Variants in LIPC observed in about 807,000 individuals in gnomAD.
LIPC encodes lipase C, hepatic type.
A neutral mutation model predicts 50.7 loss-of-function variants in LIPC; 44 were observed. The ratio of observed to expected loss-of-function variants is 0.87; its 90% CI spans 0.68 to 1.11. The LOEUF is 1.11. LIPC is among the 50% of genes most tolerant of loss of function. The pLI is 0.00. For synonymous variants in LIPC, 271 were observed against 256.4 expected, an observed-to-expected ratio of 1.06 and a Z score of -0.54; for missense variants, 697 against 648.2, an observed-to-expected ratio of 1.08 and a Z score of -0.82.
At chr15:58,545,002 G>A (rs897964107) in intron 4 of LIPC, among the ~76,000 whole-genome samples, 19 of 152,256 alleles carry the variant, frequency 1.2e-4, no homozygotes, top group East Asian at 1.9e-4. Context: ...GAAATGTCCC[G>A]CGGCTGTTCT....
chr15:58,477,147 T>C lies in LIPC; in HGVS notation c.88+45027T>C, dbSNP rs545679127. Among the ~76,000 whole-genome samples, 33 of 152,356 alleles carry C rather than the reference T, an allele frequency of 2.2e-4. No homozygotes were observed. In the South Asian group the frequency reaches 6.4e-3, roughly 30 times the overall value. ...GTCCACAGGCATCAGAGGATGAAGC[T>C]AGCAGGTTGTCTGTATGTAGACTTT... is the stretch of plus-strand genomic sequence containing the variant. On this transcript the variant is annotated intron_variant, in intron 1 of 8. Coordinates refer to ENST00000299022, the MANE Select transcript of LIPC (RefSeq NM_000236.3).
intron 1 of LIPC, among the ~76,000 whole-genome samples, chr15:58,444,848 G>C (rs1403991652): frequency 1.6e-4 from 24 of 152,332 alleles, no homozygotes; most frequent in African/African-American, 5.8e-4. Context: ...GCCCTGCTGT[G>C]ACCCGGGTCC....
chr15:58,435,086 A>G (rs1367953669), intron 1 of LIPC: 3 of 152,380 alleles, frequency 2.0e-5, no homozygotes, highest in South Asian at 4.1e-4. Flanking sequence ...AATCTTTAAA[A>G]TCTGCTAACA....
chr15:58,561,950 G>T (rs1367394952), intron 7 of LIPC, among the ~76,000 whole-genome samples: 1 of 152,144 alleles, frequency 6.6e-6, no homozygotes, highest in Non-Finnish European at 1.5e-5. Flanking sequence ...TGGTTGGAGG[G>T]CTTAGAATTT....
At chr15:58,499,923 A>G (rs2140834443) in intron 1 of LIPC, among the ~76,000 whole-genome samples, 1 of 152,308 alleles carries the variant, frequency 6.6e-6, no homozygotes, top group South Asian at 2.1e-4. Context: ...ATCACGAATC[A>G]GGGAGGTCTG....
At chr15:58,465,693 C>T (rs191168085) in intron 1 of LIPC, among the ~76,000 whole-genome samples, 1 of 152,106 alleles carries the variant, frequency 6.6e-6, no homozygotes, top group Non-Finnish European at 1.5e-5. Flanking sequence ...TCAGCTGGGG[C>T]AGGAAGGCTC....
At chr15:58,499,276 G>T (rs969485545) in intron 1 of LIPC, among the ~76,000 whole-genome samples, 2 of 152,142 alleles carry the variant, frequency 1.3e-5, no homozygotes, top group Non-Finnish European at 2.9e-5. Flanking sequence ...AGATTCTTTG[G>T]GGGTAGAGCC....
chr15:58,517,534 A>G (rs1892521608), intron 1 of LIPC, among the ~76,000 whole-genome samples: 1 of 152,222 alleles, frequency 6.6e-6, no homozygotes, highest in Admixed American at 6.5e-5. Flanking sequence ...CACAAGTTTC[A>G]GTGTGGAGAG....
chr15:58,486,147 C>T (rs533726136), intron 1 of LIPC, among the ~76,000 whole-genome samples: 13 of 152,206 alleles, frequency 8.5e-5, no homozygotes, highest in African/African-American at 2.4e-4. Flanking sequence ...CGGCTCTATT[C>T]TAACAGTGCC....
rs567907932 is a variant in LIPC, at chr15:58,477,900, G to A, written c.88+45780G>A. Among the ~76,000 whole-genome samples, 12 of 152,114 alleles carry A rather than the reference G, an allele frequency of 7.9e-5. No homozygotes were observed. The East Asian group carries it at 1.2e-3, about 15-fold the overall frequency. Reference sequence around the variant, plus strand: ...GAAAATTTGAGCCACATGGCAGTCCGCAGGTGCCCACAAGTCCCTCTATGA... The same window carrying A: ...GAAAATTTGAGCCACATGGCAGTCCACAGGTGCCCACAAGTCCCTCTATGA... On this transcript the variant is annotated intron_variant, in intron 1 of 8. Transcript: ENST00000299022.
At position 58,542,526 on chromosome 15, in the gene LIPC, T is replaced by C; in HGVS notation, c.457-8T>C. On this transcript the variant is annotated splice_polypyrimidine_tract_variant and splice_region_variant and intron_variant, in intron 3 of 8. Transcript: ENST00000299022. ...TTCTCCTGCCCCCATCCCGCTGCTG[T>C]CTTCCAGGAATCTGTGCAACTCTCT... 1.3e-6 allele frequency: 2 copies of C among 1,584,758 alleles called. No individual in the cohort carries two copies. Among genetic ancestry groups the C allele is most frequent in the Non-Finnish European group, 1.7e-6 (2 of 1,153,252 alleles).
intron 1 of LIPC, among the ~76,000 whole-genome samples, chr15:58,444,584 T>A (rs1893623958): frequency 1.3e-5 from 2 of 152,214 alleles, no homozygotes; most frequent in Non-Finnish European, 2.9e-5. Flanking sequence ...TCTCTCCTTG[T>A]CTTCTGATGG....
chr15:58,562,439 T>G (rs1378634860), intron 7 of LIPC, among the ~76,000 whole-genome samples: 1 of 152,142 alleles, frequency 6.6e-6, no homozygotes, highest in African/African-American at 2.4e-5. Flanking sequence ...ATTTCCAATT[T>G]CAATCAGCCT....
chr15:58,484,522 T>C (rs1297111959), intron 1 of LIPC, among the ~76,000 whole-genome samples: 2 of 152,240 alleles, frequency 1.3e-5, no homozygotes, highest in African/African-American at 2.4e-5. Context: ...GCTTTACCAA[T>C]ATTAATTCAT....
At chr15:58,481,922 G>A (rs1235732468) in intron 1 of LIPC, among the ~76,000 whole-genome samples, 3 of 152,206 alleles carry the variant, frequency 2.0e-5, no homozygotes, top group African/African-American at 7.2e-5. Context: ...TAAAAAGGGA[G>A]ATGTACACAT....
chr15:58,565,790 AAACCC>A, intron 8 of LIPC: 1 of 986,130 alleles, frequency 1.0e-6, no homozygotes, highest in South Asian at 4.7e-5. Context: ...TGTATGCATC[AAACCC>A]ATCCTTAGGG....
chr15:58,542,082 C>A, intron 3 of LIPC, 115 bp downstream of exon 3: 1 of 1,207,392 alleles, frequency 8.3e-7, no homozygotes, highest in South Asian at 1.3e-5. Context: ...CACTAATGCT[C>A]AGCTCACAGG....
At position 58,562,853 on chromosome 15, in the gene LIPC, T is replaced by C. The variant is rs1295894834; in HGVS notation, c.1170-652T>C. 2.8e-5 allele frequency among the ~76,000 whole-genome samples: 4 copies of C among 144,640 alleles called. No individual in the cohort carries two copies. The East Asian group carries it at 9.4e-4, about 34-fold the overall frequency. 94.9% of individuals were successfully genotyped at this position (144,640 alleles called of 152,430 possible). A position where few individuals can be genotyped will look rare whatever the true frequency, so the allele number is the denominator to read the frequency against. ...ATCTGCCTCGCCCTAAATCCACTGC[T>C]GCCTCTGCACTGCCAAAAATCTCTC... On this transcript the variant is annotated intron_variant, in intron 7 of 8. Coordinates refer to ENST00000299022, the MANE Select transcript of LIPC (RefSeq NM_000236.3).
intron 1 of LIPC, among the ~76,000 whole-genome samples, chr15:58,490,738 G>A (rs1054226984): frequency 3.3e-5 from 5 of 152,184 alleles, no homozygotes; most frequent in African/African-American, 1.2e-4. Context: ...TGGGTGGAGC[G>A]CCTGATTTGT....
Sources: allele counts gnomAD v4.1 joint callset (sites outside exome capture counted in the v4.1 genomes callset), GRCh38; gene constraint gnomAD v4.1.1; transcripts MANE v1.5; gene names NCBI Gene and HGNC (gene_info 2026-07-23, HGNC 2026-07-21).